Variants in DNAH11 observed in about 807,000 individuals in gnomAD.
DNAH11 encodes dynein axonemal heavy chain 11.
DNAH11 carries 442 observed loss-of-function variants against 526.0 expected under a neutral mutation model. The ratio of observed to expected loss-of-function variants is 0.84; its 90% confidence interval spans 0.78 to 0.91. The LOEUF (loss-of-function observed/expected upper bound fraction) is 0.91, where lower values mean the gene tolerates loss of function less well. Among genes scored for constraint, DNAH11 ranks in the 40% least tolerant of loss-of-function variants. The pLI is 0.00. For synonymous variants in DNAH11, 2,461 were observed against 1,935.9 expected, an observed-to-expected ratio of 1.27 and a Z score of -7.12; for missense variants, 6,989 against 5,448.7, an observed-to-expected ratio of 1.28 and a Z score of -8.90.
chr7:21,736,903 G>A (rs1785637508), intron 46 of DNAH11, among the ~76,000 whole-genome samples: 2 of 152,126 alleles, frequency 1.3e-5, no homozygotes, highest in Admixed American at 1.3e-4. Flanking sequence ...ATTGTGTAGG[G>A]TATGTTTTTC....
At chr7:21,701,203 C>T (rs536505996) in intron 36 of DNAH11, among the ~76,000 whole-genome samples, 1 of 152,046 alleles carries the variant, frequency 6.6e-6, no homozygotes, top group Non-Finnish European at 1.5e-5. Context: ...TTTTCCATGG[C>T]CCACAGTAAA....
chr7:21,689,799 A>G (rs1281785327), intron 34 of DNAH11, among the ~76,000 whole-genome samples: 1 of 152,176 alleles, frequency 6.6e-6, no homozygotes, highest in Non-Finnish European at 1.5e-5. Flanking sequence ...CCAGCTCCTT[A>G]ACTGCTTCAG....
chr7:21,702,744 C>T lies in DNAH11; in HGVS notation c.6215C>T (p.Ser2072Phe). 6.2e-7 allele frequency: 1 copy of T among 1,613,656 alleles called. No homozygotes were observed. The highest frequency in any genetic ancestry group is 8.5e-7 in the Non-Finnish European group (1 of 1,179,762). Residue 2072 changes from serine (S) to phenylalanine (F), a missense_variant, in exon 37 of 82, where the codon TCT becomes TTT. By Grantham distance (155) the Ser-to-Phe change is radical (BLOSUM62 -2). Coordinates refer to ENST00000409508, the MANE Select transcript of DNAH11 (RefSeq NM_001277115.2). Reference sequence around the variant, plus strand: ...GACTGGGGACTTCGTGCTATTAAGTCTGTCTTGGTTGTGGCTGGATCTCTG... The same window carrying T: ...GACTGGGGACTTCGTGCTATTAAGTTTGTCTTGGTTGTGGCTGGATCTCTG... Reference protein sequence around the residue: ...HYDWGLRAIKSVLVVAGSLKR... With the variant: ...HYDWGLRAIKFVLVVAGSLKR...
chr7:21,614,343 G>C (rs1355073041), intron 20 of DNAH11, among the ~76,000 whole-genome samples: 1 of 152,176 alleles, frequency 6.6e-6, no homozygotes, highest in Non-Finnish European at 1.5e-5. Context: ...AGAGCAGCTT[G>C]AGCACAGAAT....
At chr7:21,693,579 G>A (rs56024273) in intron 35 of DNAH11, among the ~76,000 whole-genome samples, 15,380 of 152,124 alleles carry the variant, frequency 0.1, 854 homozygotes, top group East Asian at 0.2. Context: ...AATCAGTTAG[G>A]CCATTTGGAC....
chr7:21,658,847 G>GT lies in DNAH11; in HGVS notation c.5145dup (p.His1716SerfsTer15). On this transcript the variant is annotated frameshift_variant, in exon 30 of 82. Coordinates refer to ENST00000409508, the MANE Select transcript of DNAH11 (RefSeq NM_001277115.2). LOFTEE classifies it high-confidence loss of function. ...GAACAGACTATGCAAGAAACGGTGCGTCATTCTATAACAGAAGCCATAGTG... is the reference window on the plus strand; with the variant it reads ...GAACAGACTATGCAAGAAACGGTGCGTTCATTCTATAACAGAAGCCATAGTG... 18 of 1,604,012 alleles carry GT rather than the reference G, an allele frequency of 1.1e-5. No individual in the cohort carries two copies. Among genetic ancestry groups the GT allele is most frequent in the Non-Finnish European group, 1.5e-5 (18 of 1,175,408 alleles).
Position 21,842,659 on chromosome 7 carries a change from C to T in DNAH11, c.10807C>T (p.Leu3603Phe). 2 of 1,613,900 alleles carry T rather than the reference C, an allele frequency of 1.2e-6. No homozygotes were observed. The highest frequency in any genetic ancestry group is 1.7e-6 in the Non-Finnish European group (2 of 1,179,846). Residue 3603 changes from leucine (L) to phenylalanine (F), a missense_variant, in exon 66 of 82, where the codon CTC becomes TTC. Physicochemically the swap from Leu to Phe is conservative, Grantham distance 22 (BLOSUM62 0). Transcript: ENST00000409508. ...GGAATTACAAGCTCAGACAACTCTC[C>T]TCAATTTCACAGTCACAGAAGATGG... ...KPELQAQTTL[L>F]NFTVTEDGLE...
Position 21,637,599 on chromosome 7 carries a change from A to T in DNAH11, c.4726-12A>T. The T allele has an allele frequency of 6.5e-7, 1 of 1,531,978 alleles. No individual in the cohort carries two copies. The highest frequency in any genetic ancestry group is 8.9e-7 in the Non-Finnish European group (1 of 1,120,310). 94.9% of individuals were successfully genotyped at this position (1,531,978 alleles called of 1,614,324 possible). ...TCTAATATCCACGGCCCCGTATTGT[A>T]CTTTCATGCAGGAGTTAATGTTCAA... On this transcript the variant is annotated splice_polypyrimidine_tract_variant and intron_variant, in intron 26 of 81. Transcript: ENST00000409508.
intron 35 of DNAH11, among the ~76,000 whole-genome samples, chr7:21,694,698 C>A: frequency 6.6e-6 from 1 of 152,088 alleles, no homozygotes; most frequent in Non-Finnish European, 1.5e-5. Context: ...GATTTATAAT[C>A]CCTTGGATAT....
rs780579730 is a variant in DNAH11, at chr7:21,900,079, C to T, written c.13262C>T (p.Pro4421Leu). 70 of 1,613,826 alleles carry T rather than the reference C, an allele frequency of 4.3e-5. No individual in the cohort carries two copies. The highest frequency in any genetic ancestry group is 2.0e-4 in the East Asian group (9 of 44,896). ...TKKTKEDYGH[P>L]PREGAYLHGL... The stretch of plus-strand genomic sequence containing the variant: ...AAAACAAAGGAAGATTATGGACACC[C>T]GCCAAGGGAAGGTGCATACCTCCAC... The change falls in exon 81 of 82, where the codon CCG becomes CTG. Residue 4421 changes from proline (P) to leucine (L), a missense_variant. Transcript: ENST00000409508.
chr7:21,599,417 C>T (rs367659757), intron 14 of DNAH11, among the ~76,000 whole-genome samples: 5 of 152,142 alleles, frequency 3.3e-5, no homozygotes, highest in South Asian at 2.1e-4. Flanking sequence ...TTTATTTATA[C>T]GGAAGGCCCT....
At chr7:21,611,821 AC>A (rs1343921596) in intron 20 of DNAH11, among the ~76,000 whole-genome samples, 1 of 152,216 alleles carries the variant, frequency 6.6e-6, no homozygotes, top group Non-Finnish European at 1.5e-5. Context: ...TTTCAGGTAA[AC>A]AAAAATGCAA....
intron 14 of DNAH11, among the ~76,000 whole-genome samples, chr7:21,597,837 A>G (rs934628371): frequency 9.9e-5 from 15 of 152,194 alleles, no homozygotes; most frequent in Non-Finnish European, 1.6e-4. Flanking sequence ...TTCAGCTGTA[A>G]GATCTATACT....
Position 21,787,457 on chromosome 7 carries a change from C to T in DNAH11, c.9798C>T (p.Asn3266=). Residue 3266 remains asparagine (N), a synonymous_variant, in exon 60 of 82, where the codon AAC becomes AAT. Transcript: ENST00000409508. Reference sequence around the variant, plus strand: ...ATGACAAAGAGCACATTCCAGAGAACTGTCTAAAAGTGGTGAATGAACACT... The same window carrying T: ...ATGACAAAGAGCACATTCCAGAGAATTGTCTAAAAGTGGTGAATGAACACT... The part of the protein sequence containing the change: ...INYDKEHIPE[N]CLKVVNEHYL... 4 of 1,613,334 alleles carry T rather than the reference C, an allele frequency of 2.5e-6. No individual in the cohort carries two copies. Among genetic ancestry groups the T allele is most frequent in the Non-Finnish European group, 3.4e-6 (4 of 1,179,538 alleles).
chr7:21,848,268 T>C (rs1782497772), intron 66 of DNAH11, among the ~76,000 whole-genome samples: 1 of 152,014 alleles, frequency 6.6e-6, no homozygotes, highest in African/African-American at 2.4e-5. Flanking sequence ...TTCTGATAAC[T>C]ACTTTGTCTT....
At chr7:21,862,320 G>C (rs545776975) in intron 69 of DNAH11, among the ~76,000 whole-genome samples, 2 of 151,972 alleles carry the variant, frequency 1.3e-5, no homozygotes, top group East Asian at 3.9e-4. Flanking sequence ...TCACCTTCTC[G>C]GGTCCTGTAA....
Position 21,599,933 on chromosome 7 carries a change from G to T in DNAH11, c.2814G>T (p.Leu938Phe). Residue 938 changes from leucine (L) to phenylalanine (F), a missense_variant, in exon 15 of 82, where the codon TTG becomes TTT. By Grantham distance (22) the Leu-to-Phe change is conservative. Transcript: ENST00000409508. ...TTCTGAAGAATACAGAGAAACAATT[G>T]AAACCGGCACCGTTTTTTCAAGCAC... is the stretch of plus-strand genomic sequence containing the variant. Reference protein sequence around the residue: ...DFFLKNTEKQLKPAPFFQAQM... With the variant: ...DFFLKNTEKQFKPAPFFQAQM... 1 of 1,594,644 alleles carries T rather than the reference G, an allele frequency of 6.3e-7. No individual in the cohort carries two copies. Among genetic ancestry groups the T allele is most frequent in the Non-Finnish European group, 8.6e-7 (1 of 1,167,398 alleles).
At chr7:21,549,383 C>CTCTGTCTGGATT (rs72494922) in intron 2 of DNAH11, among the ~76,000 whole-genome samples, 100,649 of 151,742 alleles carry the variant, frequency 0.66, 35,213 homozygotes, top group East Asian at 0.95. Context: ...TATTCCCATA[C>CTCTGTCTGGATT]TCTAAGGTTT....
intron 61 of DNAH11, among the ~76,000 whole-genome samples, chr7:21,794,603 G>T (rs1046883179): frequency 6.6e-6 from 1 of 152,178 alleles, no homozygotes; most frequent in Non-Finnish European, 1.5e-5. Context: ...GTGCCCAGAA[G>T]ACCCATGGAG....
Sources: allele counts gnomAD v4.1 joint callset (sites outside exome capture counted in the v4.1 genomes callset), GRCh38; gene constraint gnomAD v4.1.1; transcripts MANE v1.5; gene names NCBI Gene and HGNC (gene_info 2026-07-23, HGNC 2026-07-21).